The following TAPT1 variants were observed in gnomAD, a reference collection of about 807,000 sequenced individuals.
The protein encoded by TAPT1 is transmembrane anterior posterior transformation 1.
In TAPT1, 28 loss-of-function variants were observed where a neutral mutation model predicts 65.6. The observed-to-expected ratio is 0.43, with a 90% CI of 0.32 to 0.59. The LOEUF (loss-of-function observed/expected upper bound fraction) is 0.59, where lower values mean the gene tolerates loss of function less well. TAPT1 is among the 20% of genes least tolerant of loss of function. The pLI is 0.09. For synonymous variants in TAPT1, 278 were observed against 245.2 expected, an observed-to-expected ratio of 1.13 and a Z score of -1.25; for missense variants, 563 against 679.9, an observed-to-expected ratio of 0.83 and a Z score of 1.91.
intron 11 of TAPT1, among the ~76,000 whole-genome samples, chr4:16,171,462 T>C (rs1747983149): frequency 2.0e-5 from 3 of 152,130 alleles, no homozygotes; most frequent in Admixed American, 2.0e-4. Context: ...GCTATGCCCA[T>C]ATGTTAAAAG....
At chr4:16,224,327 T>C (rs1015155583) in intron 1 of TAPT1, among the ~76,000 whole-genome samples, 5 of 152,156 alleles carry the variant, frequency 3.3e-5, no homozygotes, top group African/African-American at 1.2e-4. Flanking sequence ...AGGACTAAAA[T>C]AATTGTTTCT....
At chr4:16,220,681 G>A (rs570891993) in intron 1 of TAPT1, among the ~76,000 whole-genome samples, 150 of 151,850 alleles carry the variant, frequency 9.9e-4, no homozygotes, top group Middle Eastern at 3.4e-3. Flanking sequence ...CCCAGGAGGC[G>A]GAGGTTGCAG....
At position 16,191,870 on chromosome 4, in the gene TAPT1, G is replaced by T. The variant is rs186078455; in HGVS notation, c.450-347C>A. ...ACCTAATCATGAATCCCTGCACATA[G>T]CCTGCTGGATCAGCCCTTTTCACAC... On this transcript the variant is annotated intron_variant, in intron 3 of 13. Coordinates refer to ENST00000405303, the MANE Select transcript of TAPT1 (RefSeq NM_153365.3). 2.0e-5 allele frequency among the ~76,000 whole-genome samples: 3 copies of T among 152,290 alleles called. No individual in the cohort carries two copies. In the East Asian group the frequency reaches 5.8e-4, roughly 29 times the overall value.
chr4:16,205,657 G>C (rs1229623070), intron 2 of TAPT1, among the ~76,000 whole-genome samples: 1 of 152,064 alleles, frequency 6.6e-6, no homozygotes, highest in African/African-American at 2.4e-5. Flanking sequence ...AGAGATAGCA[G>C]AGATGTCCCA....
Position 16,188,317 on chromosome 4 carries a change from T to C in TAPT1, c.651A>G (p.Ile217Met). 2 of 1,608,274 alleles carry C rather than the reference T, an allele frequency of 1.2e-6. No homozygotes were observed. The highest frequency in any genetic ancestry group is 1.7e-4 in the Middle Eastern group (1 of 6,040). Residue 217 changes from isoleucine (I) to methionine (M), a missense_variant, in exon 5 of 14, where the codon ATA (isoleucine) becomes ATG (methionine). By Grantham distance (10) the Ile-to-Met change is conservative (BLOSUM62 1). Coordinates refer to ENST00000405303, the MANE Select transcript of TAPT1 (RefSeq NM_153365.3). ...DRLFSSFGQDILDALYWTATE... is the reference protein window; with the variant it reads ...DRLFSSFGQDMLDALYWTATE... The stretch of plus-strand genomic sequence containing the variant: ...TTGCTGTCCAATAGAGAGCATCTAA[T>C]ATGTCTTGTCCAAAAGATGAAAACA...
At chr4:16,226,939 C>T (rs1468364204), upstream of TAPT1, 5 of 395,508 alleles carry the variant, frequency 1.3e-5, no homozygotes, top group East Asian at 8.4e-5. Flanking sequence ...TTTGCAGACT[C>T]GGTGCCCGGA....
At chr4:16,164,366 CA>C (rs1445437394) in intron 13 of TAPT1, among the ~76,000 whole-genome samples, 1 of 152,096 alleles carries the variant, frequency 6.6e-6, no homozygotes, top group Non-Finnish European at 1.5e-5. Context: ...CTTTGAGAGA[CA>C]GCCCCCTCCC....
At chr4:16,166,538 G>T in intron 13 of TAPT1, 95 bp downstream of exon 13, 1 of 1,484,500 alleles carries the variant, frequency 6.7e-7, no homozygotes, top group South Asian at 1.2e-5. Flanking sequence ...TATGCAAAGG[G>T]AAACCAATCT....
intron 2 of TAPT1, among the ~76,000 whole-genome samples, chr4:16,204,877 T>G (rs1161288505): frequency 6.6e-6 from 1 of 152,252 alleles, no homozygotes; most frequent in African/African-American, 2.4e-5. Context: ...TTATACACAT[T>G]TTAAAATAAA....
intron 1 of TAPT1, among the ~76,000 whole-genome samples, chr4:16,217,423 A>ACTTTAGTGAC (rs1751002668): frequency 6.6e-6 from 1 of 152,248 alleles, no homozygotes; most frequent in African/African-American, 2.4e-5. Context: ...AGAATTAGAC[A>ACTTTAGTGAC]TAAAACGGAG....
chr4:16,170,802 T>C, intron 11 of TAPT1, 73 bp from the exon 12 acceptor site: 1 of 1,143,508 alleles, frequency 8.7e-7, no homozygotes, highest in South Asian at 1.3e-5. Context: ...TAGTTAATAC[T>C]TAAAAAGATT....
chr4:16,188,504 T>C (rs1272235937), intron 4 of TAPT1, 149 bp from the exon 5 acceptor site: 3 of 586,300 alleles, frequency 5.1e-6, no homozygotes, highest in Non-Finnish European at 8.5e-6. Context: ...TGTTTACTTA[T>C]TCACTCACAT....
Position 16,225,441 on chromosome 4 carries a change from T to C in TAPT1, c.199+818A>G, listed in dbSNP as rs535444882. Among the ~76,000 whole-genome samples the C allele has an allele frequency of 2.0e-5, 3 of 152,366 alleles. No homozygotes were observed. In the South Asian group the frequency reaches 6.2e-4, roughly 32 times the overall value. On this transcript the variant is annotated intron_variant, in intron 1 of 13. Coordinates refer to ENST00000405303, the MANE Select transcript of TAPT1 (RefSeq NM_153365.3). ...TATGGTTCAGTTGCTGTTTACAGCT[T>C]GAGAATTAAAACGTTGGGTTCACTC...
chr4:16,227,074 T>C (rs1256911896), upstream of TAPT1: 3 of 454,688 alleles, frequency 6.6e-6, 1 homozygote, highest in South Asian at 4.7e-5. Context: ...GTTCCATCTC[T>C]TCTGCATATT....
chr4:16,213,973 G>A, intron 1 of TAPT1, 75 bp from the exon 2 acceptor site: 2 of 1,293,036 alleles, frequency 1.5e-6, no homozygotes, highest in Non-Finnish European at 2.1e-6. Flanking sequence ...TGGGGCCACA[G>A]GTAATATACA....
chr4:16,181,827 C>T (rs1748729004), intron 7 of TAPT1, among the ~76,000 whole-genome samples: 1 of 152,154 alleles, frequency 6.6e-6, no homozygotes, highest in Admixed American at 6.5e-5. Flanking sequence ...CTTGGCCTCC[C>T]AAAGTGTTGG....
At position 16,163,151 on chromosome 4, in the gene TAPT1, G is replaced by A; in HGVS notation, c.*157C>T. The A allele has an allele frequency of 1.5e-6, 1 of 669,222 alleles. No homozygotes were observed. The highest frequency in any genetic ancestry group is 2.7e-6 in the Non-Finnish European group (1 of 377,310). The allele number at this position is 669,222 out of a possible 1,614,324, so 41.5% of individuals were successfully genotyped here. A position where few individuals can be genotyped will look rare whatever the true frequency, so the allele number is the denominator to read the frequency against. The stretch of plus-strand genomic sequence containing the variant: ...GTCCTGTGGTCTGACCCTCAGCCAG[G>A]CCATATTACTGGAAGAAAGATACTA... On this transcript the variant is annotated 3_prime_UTR_variant, in exon 14 of 14. Transcript: ENST00000405303.
chr4:16,166,816 C>A lies in TAPT1; in HGVS notation c.1314-23G>T, dbSNP rs778970989. The A allele has an allele frequency of 3.1e-6, 5 of 1,610,820 alleles. No individual in the cohort carries two copies. In the South Asian group the frequency reaches 3.3e-5, roughly 11 times the overall value. On this transcript the variant is annotated intron_variant, in intron 12 of 13. Coordinates refer to ENST00000405303, the MANE Select transcript of TAPT1 (RefSeq NM_153365.3). ...AACCTAAAAACAGAAACAAAACAAA[C>A]CACATCCGTTGGAATTCATCTAAAT...
intron 4 of TAPT1, chr4:16,190,760 T>A (rs1341249741): frequency 6.5e-6 from 1 of 154,842 alleles, no homozygotes; most frequent in Non-Finnish European, 1.5e-5. Flanking sequence ...TCAGCTCAAC[T>A]TATTTTTTAT....
Sources: gnomAD v4.1 joint callset for allele counts (sites outside exome capture counted in the v4.1 genomes callset) on GRCh38, gnomAD v4.1.1 for gene constraint, MANE v1.5 for transcripts, NCBI Gene and HGNC (gene_info 2026-07-23, HGNC 2026-07-21) for gene names.